The following DLGAP1 variants were observed in gnomAD, a reference collection of about 807,000 sequenced individuals.
DLGAP1 encodes the protein disks large-associated protein 1.
DLGAP1 carries 11 observed loss-of-function variants against 90.8 expected under a neutral mutation model. The ratio of observed to expected loss-of-function variants is 0.12; its 90% confidence interval spans 0.08 to 0.20. DLGAP1 has a LOEUF of 0.20. DLGAP1 is among the 10% of genes least tolerant of loss of function. The probability of loss-of-function intolerance (pLI) is 1.00; values close to 1 mark genes in which losing one functional copy is unlikely to be tolerated. For synonymous variants in DLGAP1, 558 were observed against 540.7 expected (o/e 1.03, Z -0.44); for missense variants, 1,050 against 1,333.8 (o/e 0.79, Z 3.31).
At chr18:3,783,551 G>A (rs150996457) in intron 5 of DLGAP1, among the ~76,000 whole-genome samples, 88 of 152,316 alleles carry the variant, frequency 5.8e-4, no homozygotes, top group Non-Finnish European at 1.0e-3. Context: ...GGTCACATGT[G>A]CAAAATGTCC....
intron 3 of DLGAP1, among the ~76,000 whole-genome samples, chr18:3,930,416 G>T (rs2072490116): frequency 6.6e-6 from 1 of 152,178 alleles, no homozygotes; most frequent in South Asian, 2.1e-4. Context: ...TCTTGAGGGA[G>T]TTTTTGGAGC....
chr18:3,856,772 A>G (rs574207076), intron 4 of DLGAP1, among the ~76,000 whole-genome samples: 10 of 152,112 alleles, frequency 6.6e-5, no homozygotes, highest in East Asian at 3.9e-4. Flanking sequence ...GAGGCAGGAT[A>G]ATGGCGTGAA....
intron 7 of DLGAP1, among the ~76,000 whole-genome samples, chr18:3,700,442 G>A: frequency 6.6e-6 from 1 of 152,046 alleles, no homozygotes; most frequent in Non-Finnish European, 1.5e-5. Context: ...CTCGCCCTCT[G>A]TGGGCTATAC....
At chr18:4,057,389 T>C (rs190380987) in intron 2 of DLGAP1, among the ~76,000 whole-genome samples, 13 of 152,306 alleles carry the variant, frequency 8.5e-5, no homozygotes, top group Non-Finnish European at 8.8e-5. Flanking sequence ...CAAGTGAGCA[T>C]GTGTACAACT....
At chr18:4,067,628 A>G (rs1221243587) in intron 2 of DLGAP1, among the ~76,000 whole-genome samples, 1 of 151,636 alleles carries the variant, frequency 6.6e-6, no homozygotes, top group African/African-American at 2.4e-5. Flanking sequence ...TTTATGACCT[A>G]TTCTCTCTGA....
intron 7 of DLGAP1, among the ~76,000 whole-genome samples, chr18:3,636,168 C>G (rs1049219393): frequency 2.0e-5 from 3 of 151,024 alleles, no homozygotes; most frequent in African/African-American, 7.3e-5. Flanking sequence ...CCTTTCTTTA[C>G]CTGGCCAACT....
intron 7 of DLGAP1, among the ~76,000 whole-genome samples, chr18:3,587,345 G>A (rs143093554): frequency 0.016 from 2,386 of 152,276 alleles, 45 homozygotes; most frequent in African/African-American, 0.054. Flanking sequence ...ATGAGCCACC[G>A]CTCCCTGCAA....
chr18:3,784,994 C>T (rs2065378258), intron 5 of DLGAP1, among the ~76,000 whole-genome samples: 1 of 152,122 alleles, frequency 6.6e-6, no homozygotes, highest in Admixed American at 6.5e-5. Flanking sequence ...CCAGGTACTT[C>T]TCCCTTTAAA....
intron 4 of DLGAP1, among the ~76,000 whole-genome samples, chr18:3,870,463 T>C (rs1164544502): frequency 6.6e-6 from 1 of 152,224 alleles, no homozygotes; most frequent in Non-Finnish European, 1.5e-5. Flanking sequence ...GATTAGCTTG[T>C]AGCTTTTAGC....
intron 3 of DLGAP1, among the ~76,000 whole-genome samples, chr18:3,936,734 A>G (rs1466753437): frequency 6.6e-6 from 1 of 152,228 alleles, no homozygotes; most frequent in East Asian, 1.9e-4. Context: ...CATTCTAGAA[A>G]GGTTCCTCCA....
chr18:3,504,787 G>A (rs1037851231), intron 11 of DLGAP1, among the ~76,000 whole-genome samples: 38 of 152,332 alleles, frequency 2.5e-4, no homozygotes, highest in Admixed American at 1.3e-4. Flanking sequence ...TAGAGAAACA[G>A]AGAGAAAGCG....
At chr18:3,502,110 C>A in intron 12 of DLGAP1, 1 of 1,021,086 alleles carries the variant, frequency 9.8e-7, no homozygotes, top group Non-Finnish European at 1.2e-6. Context: ...CTTGAAAACA[C>A]ATCCTAGGGG....
At chr18:4,430,165 G>T (rs566566513) in intron 1 of DLGAP1, among the ~76,000 whole-genome samples, 1 of 152,312 alleles carries the variant, frequency 6.6e-6, no homozygotes, top group East Asian at 1.9e-4. Flanking sequence ...CAATGTTGCT[G>T]ATGATGTTCT....
At chr18:3,848,524 T>C (rs1262654180) in intron 4 of DLGAP1, among the ~76,000 whole-genome samples, 1 of 152,136 alleles carries the variant, frequency 6.6e-6, no homozygotes, top group Non-Finnish European at 1.5e-5. Context: ...TTCACTTAGA[T>C]ACTTCAAAGT....
At chr18:4,310,136 C>T (rs1361245772) in intron 1 of DLGAP1, among the ~76,000 whole-genome samples, 1 of 152,204 alleles carries the variant, frequency 6.6e-6, no homozygotes, top group African/African-American at 2.4e-5. Context: ...CTAGGAGATA[C>T]TTCTGTGAAG....
rs114273065 is a variant in DLGAP1, at chr18:3,720,303, G to C, written c.1591+8832C>G. On this transcript the variant is annotated intron_variant, in intron 7 of 12. Transcript: ENST00000315677. Reference sequence around the variant, plus strand: ...AAACAAAATAAAAATTCTCTTGTATGTTGGTGGAAATTGCATGTCAGTAGG... The same window carrying C: ...AAACAAAATAAAAATTCTCTTGTATCTTGGTGGAAATTGCATGTCAGTAGG... 4.5e-3 allele frequency among the ~76,000 whole-genome samples: 680 copies of C among 152,312 alleles called. 8 individuals are homozygous for C. Among genetic ancestry groups the C allele is most frequent in the African/African-American group, 0.016 (651 of 41,564 alleles).
intron 1 of DLGAP1, among the ~76,000 whole-genome samples, chr18:4,413,271 C>T (rs2082821097): frequency 6.6e-6 from 1 of 152,114 alleles, no homozygotes; most frequent in Non-Finnish European, 1.5e-5. Context: ...TCATTCCACT[C>T]CCTGGAGGAA....
intron 3 of DLGAP1, among the ~76,000 whole-genome samples, chr18:3,901,527 C>A (rs113406472): frequency 6.6e-6 from 1 of 152,146 alleles, no homozygotes; most frequent in Admixed American, 6.5e-5. Flanking sequence ...GGGATGTTGG[C>A]CACCATGCTG....
chr18:4,280,199 C>T (rs1291651893), intron 1 of DLGAP1, among the ~76,000 whole-genome samples: 1 of 152,110 alleles, frequency 6.6e-6, no homozygotes, highest in Non-Finnish European at 1.5e-5. Context: ...TATAGTCCTG[C>T]CAACCCTTTA....
Sources: gnomAD v4.1 joint callset for allele counts (sites outside exome capture counted in the v4.1 genomes callset) on GRCh38, gnomAD v4.1.1 for gene constraint, MANE v1.5 for transcripts, NCBI Gene and HGNC (gene_info 2026-07-23, HGNC 2026-07-21) for gene names.